Variants in BRCA2 observed in about 807,000 individuals in gnomAD.
BRCA2 encodes the protein BRCA2 DNA repair associated.
A neutral mutation model predicts 276.7 loss-of-function variants in BRCA2; 203 were observed. The ratio of observed to expected loss-of-function variants is 0.73; its 90% confidence interval spans 0.65 to 0.82. The LOEUF is 0.82. BRCA2 is among the 40% of genes least tolerant of loss of function. The pLI, the probability that BRCA2 is intolerant of heterozygous loss-of-function variation, is 0.00. For synonymous variants in BRCA2, 1,289 were observed against 1,338.4 expected (o/e 0.96, Z 0.81); for missense variants, 3,920 against 3,915.0 (o/e 1.00, Z -0.03).
chr13:32,368,255 C>T (rs903678325), intron 18 of BRCA2, among the ~76,000 whole-genome samples: 1 of 151,690 alleles, frequency 6.6e-6, no homozygotes. Flanking sequence ...CTCCTGACCT[C>T]GTGATCTGCC....
chr13:32,398,946 T>G lies in BRCA2; in HGVS notation c.*176T>G. Reference sequence around the variant, plus strand: ...AAAATCGTTTTGCCCGATTCCGTATTGGTATACTTTTGCTTCAGTTGCATA... The same window carrying G: ...AAAATCGTTTTGCCCGATTCCGTATGGGTATACTTTTGCTTCAGTTGCATA... On this transcript the variant is annotated 3_prime_UTR_variant, in exon 27 of 27. Transcript: ENST00000380152. 1 of 726,650 alleles carries G rather than the reference T, an allele frequency of 1.4e-6. No individual in the cohort carries two copies. The highest frequency in any genetic ancestry group is 3.2e-5 in the Admixed American group (1 of 31,346). 45.0% of individuals were successfully genotyped at this position (726,650 alleles called of 1,614,324 possible).
At chr13:32,387,023 T>C (rs968415021) in intron 24 of BRCA2, among the ~76,000 whole-genome samples, 2 of 136,936 alleles carry the variant, frequency 1.5e-5, no homozygotes, top group African/African-American at 2.8e-5. Context: ...TGGCATTCTT[T>C]GGCTTGTAGA....
chr13:32,370,600 G>A (rs2072824619), intron 19 of BRCA2, 43 bp downstream of exon 19: 1 of 1,580,200 alleles, frequency 6.3e-7, no homozygotes, highest in Non-Finnish European at 8.7e-7. Flanking sequence ...TCTTTCTTTT[G>A]ATACAATTAA....
chr13:32,349,850 C>T (rs1053107974), intron 13 of BRCA2, among the ~76,000 whole-genome samples: 1 of 149,262 alleles, frequency 6.7e-6, no homozygotes, highest in African/African-American at 2.5e-5. Flanking sequence ...CAGCAATACT[C>T]ATGAAGCTGG....
At chr13:32,316,393 T>G in intron 1 of BRCA2, 29 bp from the exon 2 acceptor site, 1 of 1,348,702 alleles carries the variant, frequency 7.4e-7, no homozygotes, top group Non-Finnish European at 1.1e-6. Context: ...CATCCCTGTG[T>G]AAGTGCATTT....
chr13:32,394,621 C>T (rs894212109), intron 24 of BRCA2, 68 bp from the exon 25 acceptor site: 1 of 1,544,498 alleles, frequency 6.5e-7, no homozygotes, highest in South Asian at 1.2e-5. Flanking sequence ...TTAGAGTTTC[C>T]TTTCTTGCAT....
At chr13:32,365,178 A>G (rs1169849075) in intron 18 of BRCA2, among the ~76,000 whole-genome samples, 2 of 68,674 alleles carry the variant, frequency 2.9e-5, no homozygotes. Flanking sequence ...GGAGTGTTTC[A>G]TTTTGTACAG....
Position 32,393,224 on chromosome 13 carries a change from A to G in BRCA2, c.9257-1465A>G, listed in dbSNP as rs2137648862. On this transcript the variant is annotated intron_variant, in intron 24 of 26. Transcript: ENST00000380152. Reference sequence around the variant, plus strand: ...CTTGAGGGAGATTCTTTGAGACTGAATCCTATTTCACATCAAACTAGCATT... The same window carrying G: ...CTTGAGGGAGATTCTTTGAGACTGAGTCCTATTTCACATCAAACTAGCATT... Among the ~76,000 whole-genome samples, 3 of 147,596 alleles carry G rather than the reference A, an allele frequency of 2.0e-5. No homozygotes were observed. In the South Asian group the frequency reaches 6.7e-4, roughly 33 times the overall value.
chr13:32,324,557 T>G (rs1336792956), intron 3 of BRCA2, among the ~76,000 whole-genome samples: 1 of 152,194 alleles, frequency 6.6e-6, no homozygotes, highest in Non-Finnish European at 1.5e-5. Context: ...CTTGAAAGGT[T>G]TTTAGCACAA....
At chr13:32,335,179 A>G (rs1279091820) in intron 10 of BRCA2, among the ~76,000 whole-genome samples, 1 of 152,128 alleles carries the variant, frequency 6.6e-6, no homozygotes, top group Non-Finnish European at 1.5e-5. Flanking sequence ...CCCCATCTCT[A>G]TGAAAAAAAA....
intron 19 of BRCA2, 144 bp from the exon 20 acceptor site, chr13:32,370,812 C>T (rs2072826514): frequency 5.5e-6 from 6 of 1,082,840 alleles, no homozygotes; most frequent in Admixed American, 2.0e-5. Context: ...AGGCTGATCT[C>T]GAACTCCTGA....
intron 18 of BRCA2, 112 bp from the exon 19 acceptor site, chr13:32,370,290 T>C: frequency 5.6e-6 from 6 of 1,075,412 alleles, no homozygotes; most frequent in East Asian, 2.6e-5. Flanking sequence ...TAAGACTTTT[T>C]AAAGTGAATA....
intron 18 of BRCA2, among the ~76,000 whole-genome samples, chr13:32,367,519 A>G (rs1367922513): frequency 2.0e-5 from 3 of 152,042 alleles, no homozygotes; most frequent in African/African-American, 7.2e-5. Flanking sequence ...TTTAAAAACT[A>G]AAGCCCAGGC....
chr13:32,353,973 A>T (rs536408054), intron 13 of BRCA2, among the ~76,000 whole-genome samples: 1 of 152,382 alleles, frequency 6.6e-6, no homozygotes, highest in Admixed American at 6.5e-5. Flanking sequence ...TTTCATTGTT[A>T]GGTGATAATT....
chr13:32,371,759 C>T (rs1186142721), intron 20 of BRCA2, among the ~76,000 whole-genome samples: 3 of 151,986 alleles, frequency 2.0e-5, no homozygotes, highest in South Asian at 2.1e-4. Context: ...TCTAGACCAC[C>T]GCAATAAAGC....
At chr13:32,375,625 A>T (rs1171743075) in intron 20 of BRCA2, among the ~76,000 whole-genome samples, 1 of 147,236 alleles carries the variant, frequency 6.8e-6, no homozygotes, top group African/African-American at 2.5e-5. Context: ...CAATGGCGTG[A>T]TCTTGGCTCA....
Position 32,337,315 on chromosome 13 carries a change from A to T in BRCA2, c.2960A>T (p.Asn987Ile), listed in dbSNP as rs2227944. 947 of 1,613,216 alleles carry T rather than the reference A, an allele frequency of 5.9e-4. 6 individuals are homozygous for T. In the African/African-American group the frequency reaches 0.012, roughly 20 times the overall value. ...ATAGATAAAATACCAGAAAAAAATAATGATTACATGAACAAATGGGCAGGA... is the reference window on the plus strand; with the variant it reads ...ATAGATAAAATACCAGAAAAAAATATTGATTACATGAACAAATGGGCAGGA... ...LNIDKIPEKN[N>I]DYMNKWAGLL... The change falls in exon 11 of 27, where the codon AAT becomes ATT. Residue 987 changes from asparagine (N) to isoleucine (I), a missense_variant. This residue lies in a region of BRCA2 where 3,263 missense variants were observed against 3,156.9 expected (regional missense o/e 1.03). Coordinates refer to ENST00000380152, the MANE Select transcript of BRCA2 (RefSeq NM_000059.4).
rs1566228151 is a variant in BRCA2 at position 32,337,610 on chromosome 13, T to TA, written c.3256dup (p.Ile1086AsnfsTer13). ...TTGTTTCTGATTGTAAAAATAGTCA[T>TA]ATAACCCCTCAGATGTTATTTTCCA... On this transcript the variant is annotated frameshift_variant, in exon 11 of 27. Coordinates refer to ENST00000380152, the MANE Select transcript of BRCA2 (RefSeq NM_000059.4). LOFTEE classifies it high-confidence loss of function. The TA allele has an allele frequency of 6.3e-7, 1 of 1,593,540 alleles. No individual in the cohort carries two copies.
intron 11 of BRCA2, among the ~76,000 whole-genome samples, chr13:32,343,460 C>T (rs2072588155): frequency 6.6e-6 from 1 of 152,086 alleles, no homozygotes; most frequent in South Asian, 2.1e-4. Flanking sequence ...GCCTTTTGCC[C>T]CTAAGTCATT....
Sources: gnomAD v4.1 joint callset for allele counts (sites outside exome capture counted in the v4.1 genomes callset) on GRCh38, gnomAD v4.1.1 for gene constraint, gnomAD v4.1.1 regional missense constraint, MANE v1.5 for transcripts, NCBI Gene and HGNC (gene_info 2026-07-23, HGNC 2026-07-21) for gene names.